The following ZCCHC7 variants were observed in gnomAD, a reference collection of about 807,000 sequenced individuals.
The protein encoded by ZCCHC7 is zinc finger CCHC-type containing 7.
A neutral mutation model predicts 52.0 loss-of-function variants in ZCCHC7; 35 were observed. The ratio of observed to expected loss-of-function variants is 0.67; its 90% confidence interval spans 0.51 to 0.89. ZCCHC7 has a LOEUF of 0.89. ZCCHC7 is among the 40% of genes least tolerant of loss of function. ZCCHC7 has a pLI of 0.00. For synonymous variants in ZCCHC7, 217 were observed against 221.5 expected (o/e 0.98, Z 0.18); for missense variants, 574 against 649.1 (o/e 0.88, Z 1.26).
At chr9:37,301,501 G>A (rs1028954498) in intron 2 of ZCCHC7, among the ~76,000 whole-genome samples, 2 of 152,150 alleles carry the variant, frequency 1.3e-5, no homozygotes, top group African/African-American at 4.8e-5. Flanking sequence ...TCAGGAGGCT[G>A]ATGTGGGAGG....
intron 2 of ZCCHC7, among the ~76,000 whole-genome samples, chr9:37,162,897 ACT>A (rs1323854224): frequency 6.6e-6 from 1 of 151,912 alleles, no homozygotes; most frequent in South Asian, 2.1e-4. Flanking sequence ...ACATGGCAAA[ACT>A]CTGTCTCTAC....
intron 2 of ZCCHC7, among the ~76,000 whole-genome samples, chr9:37,140,027 G>T (rs1843156485): frequency 6.6e-6 from 1 of 151,876 alleles, no homozygotes; most frequent in African/African-American, 2.4e-5. Flanking sequence ...AAAAAGCCAG[G>T]TGAGGAATTC....
intron 2 of ZCCHC7, among the ~76,000 whole-genome samples, chr9:37,260,615 C>G (rs895687522): frequency 6.6e-6 from 1 of 152,202 alleles, no homozygotes; most frequent in Admixed American, 6.5e-5. Context: ...GACTACTAAA[C>G]TGCCTTTAAA....
chr9:37,223,876 T>C (rs1824956757), intron 2 of ZCCHC7, among the ~76,000 whole-genome samples: 1 of 152,060 alleles, frequency 6.6e-6, no homozygotes, highest in Non-Finnish European at 1.5e-5. Flanking sequence ...CAAGTGAAAA[T>C]ATAGGTAGTA....
At chr9:37,161,282 A>G (rs984804496) in intron 2 of ZCCHC7, among the ~76,000 whole-genome samples, 4 of 152,084 alleles carry the variant, frequency 2.6e-5, no homozygotes, top group Non-Finnish European at 5.9e-5. Context: ...CTGTGTTAAA[A>G]TATAAGTGGC....
chr9:37,238,413 A>G (rs1825744466), intron 2 of ZCCHC7, among the ~76,000 whole-genome samples: 1 of 152,122 alleles, frequency 6.6e-6, no homozygotes, highest in Non-Finnish European at 1.5e-5. Flanking sequence ...CTGTTTTGCT[A>G]AGTGATTTTT....
intron 2 of ZCCHC7, among the ~76,000 whole-genome samples, chr9:37,266,250 G>A (rs930052460): frequency 6.6e-6 from 1 of 152,168 alleles, no homozygotes; most frequent in African/African-American, 2.4e-5. Context: ...AGAAGATTCT[G>A]CACACCATGC....
intron 2 of ZCCHC7, among the ~76,000 whole-genome samples, chr9:37,250,300 CTT>C (rs1220457810): frequency 6.5e-4 from 86 of 132,408 alleles, no homozygotes; most frequent in African/African-American, 1.3e-3. Context: ...CTTTCTCTCT[CTT>C]TTTTTTTTTT....
intron 5 of ZCCHC7, among the ~76,000 whole-genome samples, chr9:37,326,491 T>C (rs1298754739): frequency 3.7e-5 from 5 of 136,754 alleles, no homozygotes; most frequent in African/African-American, 1.8e-4. Context: ...TAGACTGCTT[T>C]CTATAGGAGC....
intron 2 of ZCCHC7, among the ~76,000 whole-genome samples, chr9:37,268,306 G>C (rs958412633): frequency 2.0e-5 from 3 of 151,564 alleles, no homozygotes; most frequent in African/African-American, 7.3e-5. Flanking sequence ...TGGCCAATAA[G>C]GTTTGCAGAA....
At chr9:37,130,756 A>G (rs1209307000) in intron 2 of ZCCHC7, among the ~76,000 whole-genome samples, 2 of 151,614 alleles carry the variant, frequency 1.3e-5, no homozygotes, top group African/African-American at 4.8e-5. Context: ...TCGGCCTCCC[A>G]AAGTGCTGGG....
intron 2 of ZCCHC7, among the ~76,000 whole-genome samples, chr9:37,152,241 GT>G (rs11338917): frequency 0.99 from 148,400 of 149,770 alleles, 73,528 homozygotes; most frequent in East Asian, 1. Flanking sequence ...GCTGTTTTTT[GT>G]TTTTTTTTTT....
intron 6 of ZCCHC7, among the ~76,000 whole-genome samples, chr9:37,345,424 G>A (rs765705779): frequency 3.3e-5 from 5 of 152,140 alleles, no homozygotes; most frequent in South Asian, 2.1e-4. Context: ...GCTTACATGC[G>A]TACCTGTTAA....
At chr9:37,231,093 C>T (rs1348274837) in intron 2 of ZCCHC7, among the ~76,000 whole-genome samples, 1 of 152,058 alleles carries the variant, frequency 6.6e-6, no homozygotes, top group Admixed American at 6.6e-5. Flanking sequence ...ACAGGGTGTG[C>T]ACCACCATAC....
At chr9:37,285,275 G>A (rs1018516714) in intron 2 of ZCCHC7, among the ~76,000 whole-genome samples, 1 of 152,148 alleles carries the variant, frequency 6.6e-6, no homozygotes, top group African/African-American at 2.4e-5. Flanking sequence ...GAGAGAAAGA[G>A]AAAATGTTTA....
At chr9:37,302,289 T>G (rs1032919845) in intron 3 of ZCCHC7, 58 bp downstream of exon 3, 3 of 1,380,274 alleles carry the variant, frequency 2.2e-6, no homozygotes, top group Admixed American at 1.9e-5. Flanking sequence ...TCATAGTTTA[T>G]TATGATAACT....
At chr9:37,221,128 T>G (rs1271375196) in intron 2 of ZCCHC7, among the ~76,000 whole-genome samples, 1 of 152,220 alleles carries the variant, frequency 6.6e-6, no homozygotes, top group African/African-American at 2.4e-5. Context: ...GCACCCTTAT[T>G]GCCCTGAGGA....
chr9:37,274,974 G>A (rs1029503176), intron 2 of ZCCHC7, among the ~76,000 whole-genome samples: 5 of 152,126 alleles, frequency 3.3e-5, no homozygotes, highest in African/African-American at 7.2e-5. Flanking sequence ...GTTGGGCTAC[G>A]TGATTGACTG....
At chr9:37,167,957 C>G (rs950087081) in intron 2 of ZCCHC7, among the ~76,000 whole-genome samples, 1 of 152,172 alleles carries the variant, frequency 6.6e-6, no homozygotes, top group Admixed American at 6.5e-5. Context: ...ACATTTTGAA[C>G]ACTTTGCCGA....
Sources: gnomAD v4.1 joint callset for allele counts (sites outside exome capture counted in the v4.1 genomes callset) on GRCh38, gnomAD v4.1.1 for gene constraint, MANE v1.5 for transcripts, NCBI Gene and HGNC (gene_info 2026-07-23, HGNC 2026-07-21) for gene names.